The following FRS2 variants were observed in gnomAD, a reference collection of about 807,000 sequenced individuals.
The protein encoded by FRS2 is FGFR signalling adaptor.
In FRS2, 8 loss-of-function variants were observed where a neutral mutation model predicts 43.9. The observed-to-expected ratio is 0.18, with a 90% CI of 0.11 to 0.33. FRS2 has a LOEUF of 0.33. FRS2 is among the 10% of genes least tolerant of loss of function. The pLI is 1.00. For missense variants in FRS2, 534 were observed against 627.6 expected (o/e 0.85, Z 1.59); for synonymous variants, 219 against 220.3 (o/e 0.99, Z 0.05).
intron 4 of FRS2, among the ~76,000 whole-genome samples, chr12:69,568,575 G>GTC (rs1179264083): frequency 5.3e-5 from 8 of 149,774 alleles, no homozygotes; most frequent in South Asian, 2.1e-4. Flanking sequence ...CTCTCTCTCT[G>GTC]TCTCTCTCTC....
At chr12:69,572,834 T>C (rs1247173100) in intron 8 of FRS2, among the ~76,000 whole-genome samples, 1 of 152,220 alleles carries the variant, frequency 6.6e-6, no homozygotes, top group Non-Finnish European at 1.5e-5. Context: ...TGAGTTGTTA[T>C]ATTATTTACT....
chr12:69,525,150 C>T (rs908241480), intron 1 of FRS2, among the ~76,000 whole-genome samples: 1 of 151,630 alleles, frequency 6.6e-6, no homozygotes, highest in Non-Finnish European at 1.5e-5. Context: ...AAGTTTTTAC[C>T]TTGATGCTCT....
chr12:69,537,960 T>C (rs1877469473), intron 3 of FRS2: 1 of 152,464 alleles, frequency 6.6e-6, no homozygotes, highest in Admixed American at 6.6e-5. Context: ...GCAGGCAAGT[T>C]TACTTGCTGT....
chr12:69,510,376 G>A (rs1019907588), intron 1 of FRS2, among the ~76,000 whole-genome samples: 6 of 151,978 alleles, frequency 3.9e-5, no homozygotes, highest in Non-Finnish European at 7.4e-5. Flanking sequence ...GTCTCTGTAC[G>A]CTAGATATCT....
chr12:69,497,465 G>C lies in FRS2; in HGVS notation c.-261+26935G>C, dbSNP rs141783826. Among the ~76,000 whole-genome samples the C allele has an allele frequency of 5.0e-4, 76 of 152,280 alleles. 1 individual carries two copies. The East Asian group carries it at 0.014, about 27-fold the overall frequency. On this transcript the variant is annotated intron_variant, in intron 1 of 8. Coordinates refer to ENST00000549921, the MANE Select transcript of FRS2 (RefSeq NM_001278356.2). Reference sequence around the variant, plus strand: ...CTTGCTGTGTCCTCACATGGTAGAGGGGGTAAGATTGCTCCCTTCAACCTC... The same window carrying C: ...CTTGCTGTGTCCTCACATGGTAGAGCGGGTAAGATTGCTCCCTTCAACCTC...
intron 3 of FRS2, among the ~76,000 whole-genome samples, chr12:69,540,271 T>TA (rs547400046): frequency 5.6e-5 from 8 of 144,064 alleles, no homozygotes; most frequent in Non-Finnish European, 7.7e-5. Flanking sequence ...TAAATAAAAT[T>TA]AAAAAAAATT....
chr12:69,478,045 A>G (rs922969502), intron 1 of FRS2, among the ~76,000 whole-genome samples: 8 of 152,052 alleles, frequency 5.3e-5, no homozygotes, highest in East Asian at 3.8e-4. Context: ...CCGGCTGTTT[A>G]TTTATTTTTA....
chr12:69,484,446 A>T (rs1487127020), intron 1 of FRS2, among the ~76,000 whole-genome samples: 1 of 152,154 alleles, frequency 6.6e-6, no homozygotes, highest in Non-Finnish European at 1.5e-5. Context: ...CTGAATCACC[A>T]CATCCTTCTC....
In FRS2 at chr12:69,471,066, G is replaced by C. The variant is rs190471214; in HGVS notation, c.-261+536G>C. Among the ~76,000 whole-genome samples, 535 of 152,244 alleles carry C rather than the reference G, an allele frequency of 3.5e-3. 3 individuals are homozygous for C. The highest frequency in any genetic ancestry group is 0.012 in the African/African-American group (515 of 41,528). On this transcript the variant is annotated intron_variant, in intron 1 of 8. Transcript: ENST00000549921. ...GCTTTTCATCCAGATTTGCTTCAGG[G>C]TTGTCCGGGATCGATTTGGACTGGG...
chr12:69,481,769 G>A (rs940688040), intron 1 of FRS2, among the ~76,000 whole-genome samples: 18 of 152,132 alleles, frequency 1.2e-4, no homozygotes, highest in Non-Finnish European at 1.8e-4. Context: ...GGACTTGTCT[G>A]ATTTGATCTG....
rs532517262 is a variant in FRS2 at position 69,494,521 on chromosome 12, G to C, written c.-261+23991G>C. On this transcript the variant is annotated intron_variant, in intron 1 of 8. Coordinates refer to ENST00000549921, the MANE Select transcript of FRS2 (RefSeq NM_001278356.2). The stretch of plus-strand genomic sequence containing the variant: ...TAACTCAGTTCTTTCTTTTAAACTG[G>C]GGCTTCTAAATGTTAGCATTATTGA... Among the ~76,000 whole-genome samples the C allele has an allele frequency of 5.3e-5, 8 of 152,234 alleles. No individual in the cohort carries two copies. The East Asian group carries it at 1.5e-3, about 29-fold the overall frequency.
chr12:69,533,568 C>T (rs1028788194), intron 3 of FRS2, among the ~76,000 whole-genome samples: 3 of 152,070 alleles, frequency 2.0e-5, no homozygotes, highest in Non-Finnish European at 4.4e-5. Context: ...AGGCTGGTCT[C>T]GAACTCCCGA....
At chr12:69,550,784 T>G (rs1488119537) in intron 3 of FRS2, among the ~76,000 whole-genome samples, 4 of 152,250 alleles carry the variant, frequency 2.6e-5, no homozygotes, top group Non-Finnish European at 4.4e-5. Context: ...AATTTACATG[T>G]GGAAAATTTA....
In FRS2 at chr12:69,574,902, G is replaced by C. The variant is rs1381179342; in HGVS notation, c.1474G>C (p.Asp492His). ...AAATTTGCAGAAAGCACTGCCACGA[G>C]ATGATGGTACATCTAGGAAAACTAG... ...MSNLQKALPR[D>H]DGTSRKTRHN... Residue 492 changes from aspartate (D) to histidine (H), a missense_variant, in exon 9 of 9, where the codon GAT becomes CAT. Physicochemically the swap from Asp to His is moderately conservative, Grantham distance 81 (BLOSUM62 -1). Coordinates refer to ENST00000549921, the MANE Select transcript of FRS2 (RefSeq NM_001278356.2). 6.2e-7 allele frequency: 1 copy of C among 1,613,844 alleles called. No individual in the cohort carries two copies. The highest frequency in any genetic ancestry group is 8.5e-7 in the Non-Finnish European group (1 of 1,179,840).
chr12:69,525,660 T>C (rs554389899), intron 1 of FRS2, among the ~76,000 whole-genome samples: 1 of 152,296 alleles, frequency 6.6e-6, no homozygotes, highest in East Asian at 1.9e-4. Context: ...CTCCTTTCCT[T>C]TCCTTCATCT....
chr12:69,529,287 G>T (rs1876557533), intron 1 of FRS2, among the ~76,000 whole-genome samples: 1 of 152,102 alleles, frequency 6.6e-6, no homozygotes, highest in Non-Finnish European at 1.5e-5. Context: ...TTTGAAACTG[G>T]AGCTCCTAGG....
chr12:69,568,510 T>TCTGCCTGCCTGC (rs201681343), intron 4 of FRS2, among the ~76,000 whole-genome samples: 5 of 150,776 alleles, frequency 3.3e-5, no homozygotes, highest in African/African-American at 7.4e-5. Flanking sequence ...CAACATAATG[T>TCTGCCTGCCTGC]CTGCCTGCCT....
At chr12:69,519,472 G>A (rs1031859797) in intron 1 of FRS2, among the ~76,000 whole-genome samples, 3 of 152,054 alleles carry the variant, frequency 2.0e-5, no homozygotes, top group Non-Finnish European at 2.9e-5. Context: ...CTTGTGTTAC[G>A]GGGTTTGTTG....
Position 69,522,813 on chromosome 12 carries a change from A to G in FRS2, c.-260-8052A>G, listed in dbSNP as rs145693540. 9.5e-3 allele frequency among the ~76,000 whole-genome samples: 1,445 copies of G among 152,234 alleles called. 14 individuals are homozygous for G. The highest frequency in any genetic ancestry group is 0.025 in the South Asian group (121 of 4,824). On this transcript the variant is annotated intron_variant, in intron 1 of 8. Transcript: ENST00000549921. ...TCTTTGTACTCATTAGTTTCAAATA[A>G]TTTCTTGACTTCTGCTTTAATTTCA...
Sources: gnomAD v4.1 joint callset for allele counts (sites outside exome capture counted in the v4.1 genomes callset) on GRCh38, gnomAD v4.1.1 for gene constraint, MANE v1.5 for transcripts, NCBI Gene and HGNC (gene_info 2026-07-23, HGNC 2026-07-21) for gene names.